The following NAV2 variants were observed in gnomAD, a reference collection of about 807,000 sequenced individuals.
NAV2 encodes neuron navigator 2.
A neutral mutation model predicts 223.2 loss-of-function variants in NAV2; 54 were observed. The observed-to-expected ratio is 0.24, with a 90% CI of 0.19 to 0.30. The LOEUF (loss-of-function observed/expected upper bound fraction) is 0.30, where lower values mean the gene tolerates loss of function less well. Ranked by LOEUF, NAV2 falls within the 10% of genes least tolerant of loss-of-function variation. The pLI is 1.00. For missense variants in NAV2, 2,806 were observed against 3,147.5 expected (o/e 0.89, Z 2.60); for synonymous variants, 1,279 against 1,239.3 (o/e 1.03, Z -0.67).
chr11:19,779,674 A>G (rs2056587493), intron 1 of NAV2, among the ~76,000 whole-genome samples: 1 of 152,246 alleles, frequency 6.6e-6, no homozygotes, highest in Non-Finnish European at 1.5e-5. Flanking sequence ...ATGAAATGGC[A>G]TAATACAGGA....
chr11:19,903,727 T>C (rs1006007453), intron 6 of NAV2, among the ~76,000 whole-genome samples: 2 of 151,690 alleles, frequency 1.3e-5, no homozygotes, highest in African/African-American at 4.8e-5. Flanking sequence ...ACTGCCCAAG[T>C]TTTGTGTGTG....
chr11:19,346,998 G>C (rs1291762378), upstream of NAV2, among the ~76,000 whole-genome samples: 1 of 152,114 alleles, frequency 6.6e-6, no homozygotes, highest in Non-Finnish European at 1.5e-5. Flanking sequence ...CTTAACTCCA[G>C]GTATAAGATG....
At chr11:19,673,404 A>G (rs948717604) in intron 1 of NAV2, among the ~76,000 whole-genome samples, 5 of 152,254 alleles carry the variant, frequency 3.3e-5, no homozygotes, top group Non-Finnish European at 7.3e-5. Flanking sequence ...AAACAAATGA[A>G]GAACAGAAAG....
chr11:19,637,778 G>A (rs1189390340), intron 1 of NAV2, among the ~76,000 whole-genome samples: 1 of 152,248 alleles, frequency 6.6e-6, no homozygotes, highest in African/African-American at 2.4e-5. Flanking sequence ...GCCTCCATGA[G>A]GCAAACACCT....
chr11:19,438,046 C>T (rs537588136), intron 1 of NAV2, among the ~76,000 whole-genome samples: 16 of 152,284 alleles, frequency 1.1e-4, no homozygotes, highest in Non-Finnish European at 1.8e-4. Context: ...GGTTCCAAGC[C>T]GCCTCCTTGG....
chr11:19,737,056 C>T (rs547234532), intron 1 of NAV2, among the ~76,000 whole-genome samples: 8 of 152,348 alleles, frequency 5.3e-5, no homozygotes, highest in East Asian at 1.9e-4. Context: ...GGCTGCTAGC[C>T]GTAGAGCCCA....
chr11:20,033,074 G>A (rs1393469991), intron 11 of NAV2, among the ~76,000 whole-genome samples: 1 of 152,222 alleles, frequency 6.6e-6, no homozygotes, highest in East Asian at 1.9e-4. Flanking sequence ...GCATGACACA[G>A]ACTAGAAGGA....
intron 1 of NAV2, among the ~76,000 whole-genome samples, chr11:19,354,086 G>T (rs73428638): frequency 0.041 from 6,269 of 152,220 alleles, 456 homozygotes; most frequent in African/African-American, 0.14. Flanking sequence ...ATGTTTCCAG[G>T]TTTTTGGTTT....
At chr11:19,470,603 C>T (rs2041934044) in intron 1 of NAV2, among the ~76,000 whole-genome samples, 1 of 152,160 alleles carries the variant, frequency 6.6e-6, no homozygotes. Context: ...CTATCGTGAC[C>T]ATAATGACCT....
chr11:19,440,157 T>TA (rs1321915882), intron 1 of NAV2, among the ~76,000 whole-genome samples: 1 of 152,234 alleles, frequency 6.6e-6, no homozygotes, highest in African/African-American at 2.4e-5. Context: ...ATGGCTGGTA[T>TA]ACCAGATGGA....
At chr11:19,775,110 T>C (rs2056050426) in intron 1 of NAV2, among the ~76,000 whole-genome samples, 1 of 152,222 alleles carries the variant, frequency 6.6e-6, no homozygotes, top group Admixed American at 6.5e-5. Context: ...AGATATCTTG[T>C]GTTTTGCTCT....
intron 11 of NAV2, chr11:20,022,780 C>T: frequency 8.7e-7 from 1 of 1,151,736 alleles, no homozygotes; most frequent in African/African-American, 1.6e-5. Context: ...AGGGCCCTTC[C>T]ATTCAGTGCT....
chr11:19,536,741 A>G (rs2044200113), intron 1 of NAV2, among the ~76,000 whole-genome samples: 1 of 152,210 alleles, frequency 6.6e-6, no homozygotes, highest in Non-Finnish European at 1.5e-5. Context: ...CTGGAGTTCT[A>G]GAAGCCGAAG....
chr11:19,424,167 A>AT (rs34946593), intron 1 of NAV2, among the ~76,000 whole-genome samples: 1 of 152,200 alleles, frequency 6.6e-6, no homozygotes, highest in Non-Finnish European at 1.5e-5. Flanking sequence ...TTTTTAATTA[A>AT]TTTTTGTGTA....
chr11:19,609,234 G>C (rs2046565133), intron 1 of NAV2, among the ~76,000 whole-genome samples: 1 of 152,164 alleles, frequency 6.6e-6, no homozygotes, highest in African/African-American at 2.4e-5. Context: ...GTTAATTAAA[G>C]ATAAGCTGCA....
intron 1 of NAV2, among the ~76,000 whole-genome samples, chr11:19,789,681 T>A (rs142547761): frequency 1.1e-4 from 16 of 152,298 alleles, no homozygotes; most frequent in African/African-American, 3.8e-4. Context: ...TCATATCCTG[T>A]GAGAATTTAT....
chr11:19,995,224 T>C (rs1331580445), intron 11 of NAV2, among the ~76,000 whole-genome samples: 1 of 152,208 alleles, frequency 6.6e-6, no homozygotes, highest in African/African-American at 2.4e-5. Context: ...AGTGTTCTTG[T>C]TTATTACTTG....
intron 7 of NAV2, among the ~76,000 whole-genome samples, chr11:19,934,960 T>C (rs1301774924): frequency 6.6e-6 from 1 of 152,156 alleles, no homozygotes; most frequent in Non-Finnish European, 1.5e-5. Context: ...CATGGGAGAC[T>C]GTGTGGAGCC....
chr11:19,514,526 C>T (rs570401765), intron 1 of NAV2, among the ~76,000 whole-genome samples: 80 of 152,292 alleles, frequency 5.3e-4, no homozygotes, highest in African/African-American at 1.7e-3. Context: ...ACACTTTCTC[C>T]GCATCTCAGA....
Sources: gnomAD v4.1 joint callset for allele counts (sites outside exome capture counted in the v4.1 genomes callset) on GRCh38, gnomAD v4.1.1 for gene constraint, MANE v1.5 for transcripts, NCBI Gene and HGNC (gene_info 2026-07-23, HGNC 2026-07-21) for gene names.